The following ZNF774 variants were observed in gnomAD, a reference collection of about 807,000 sequenced individuals.
The protein encoded by ZNF774 is zinc finger protein 774.
A neutral mutation model predicts 11.1 loss-of-function variants in ZNF774; 14 were observed. The ratio of observed to expected loss-of-function variants is 1.26; its 90% confidence interval spans 0.83 to 1.97. ZNF774 has a LOEUF of 1.97. Ranked by LOEUF, ZNF774 falls within the 30% of genes most tolerant of loss-of-function variation. The probability of loss-of-function intolerance (pLI) is 0.00; values close to 1 mark genes in which losing one functional copy is unlikely to be tolerated. For missense variants in ZNF774, 599 were observed against 587.0 expected (o/e 1.02, Z -0.21); for synonymous variants, 195 against 212.6 (o/e 0.92, Z 0.72).
Position 90,362,633 on chromosome 15 carries a change from A to G in ZNF774, c.*1350A>G. 2 of 1,491,372 alleles carry G rather than the reference A, an allele frequency of 1.3e-6. No homozygotes were observed. The highest frequency in any genetic ancestry group is 1.8e-6 in the Non-Finnish European group (2 of 1,106,206). 92.4% of individuals were successfully genotyped at this position (1,491,372 alleles called of 1,614,324 possible). A position where few individuals can be genotyped will look rare whatever the true frequency, so the allele number is the denominator to read the frequency against. On this transcript the variant is annotated 3_prime_UTR_variant, in exon 4 of 4. Coordinates refer to ENST00000354377, the MANE Select transcript of ZNF774 (RefSeq NM_001004309.3). ...GTGTGTTGGAAAGAACACCGACTTC[A>G]TTGAGAAGGTAAAGTATTTGAGTCC...
At chr15:90,359,349 G>T (rs973282072) in intron 3 of ZNF774, among the ~76,000 whole-genome samples, 1 of 152,002 alleles carries the variant, frequency 6.6e-6, no homozygotes, top group African/African-American at 2.4e-5. Flanking sequence ...TGGGATTACA[G>T]GCGTGAGCCA....
chr15:90,353,611 G>A (rs77000686), intron 1 of ZNF774, among the ~76,000 whole-genome samples: 3,372 of 150,594 alleles, frequency 0.022, 113 homozygotes, highest in African/African-American at 0.078. Context: ...TTTTTTTTAA[G>A]GGAGAGACAG....
rs931827175 is a variant in ZNF774 at position 90,360,812 on chromosome 15, C to T, written c.981C>T (p.Gly327=). ...TCAAATGCCCGGAGTGCGGGAAGGG[C>T]TTCAGAGATAGTTCTCATTTTGTAG... The part of the protein sequence containing the change: ...RPFKCPECGK[G]FRDSSHFVAH... Residue 327 remains glycine (G), a synonymous_variant, in exon 4 of 4, where the codon GGC becomes GGT. Coordinates refer to ENST00000354377, the MANE Select transcript of ZNF774 (RefSeq NM_001004309.3). 6.2e-7 allele frequency: 1 copy of T among 1,614,018 alleles called. No homozygotes were observed. Among genetic ancestry groups the T allele is most frequent in the Non-Finnish European group, 8.5e-7 (1 of 1,180,034 alleles).
At position 90,360,828 on chromosome 15, in the gene ZNF774, C is replaced by T. The variant is rs1467314515; in HGVS notation, c.997C>T (p.His333Tyr). The change falls in exon 4 of 4, where the codon CAT (histidine) becomes TAT (tyrosine). Residue 333 changes from histidine to tyrosine, a missense_variant. His to Tyr is a moderately conservative substitution (Grantham distance 83). Transcript: ENST00000354377. ...CGGGAAGGGCTTCAGAGATAGTTCT[C>T]ATTTTGTAGCTCACATGAGCACTCA... is the stretch of plus-strand genomic sequence containing the variant. The part of the protein sequence containing the change: ...ECGKGFRDSS[H>Y]FVAHMSTHSG... The T allele has an allele frequency of 3.1e-6, 5 of 1,613,996 alleles. No individual in the cohort carries two copies. The highest frequency in any genetic ancestry group is 4.2e-6 in the Non-Finnish European group (5 of 1,180,028).
Position 90,360,430 on chromosome 15 carries a change from C to T in ZNF774, c.599C>T (p.Thr200Ile). ...TCAGACCTTGTCACCCATCGCAGAA[C>T]ACACACAGGAGAGAAGCCCTACCAA... ...QSSDLVTHRR[T>I]HTGEKPYQCK... is the part of the protein sequence containing the mutation. The change falls in exon 4 of 4, where the codon ACA becomes ATA. Residue 200 changes from threonine to isoleucine, a missense_variant. Coordinates refer to ENST00000354377, the MANE Select transcript of ZNF774 (RefSeq NM_001004309.3). 1 of 1,613,768 alleles carries T rather than the reference C, an allele frequency of 6.2e-7. No homozygotes were observed. The highest frequency in any genetic ancestry group is 8.5e-7 in the Non-Finnish European group (1 of 1,180,006).
intron 1 of ZNF774, among the ~76,000 whole-genome samples, chr15:90,353,323 T>TA (rs1964199459): frequency 6.6e-6 from 1 of 152,192 alleles, no homozygotes; most frequent in African/African-American, 2.4e-5. Flanking sequence ...TGTTGTTTGT[T>TA]AAAGTTTTAA....
intron 2 of ZNF774, 130 bp downstream of exon 2, chr15:90,354,894 A>G: frequency 1.3e-6 from 1 of 767,132 alleles, no homozygotes; most frequent in Non-Finnish European, 2.2e-6. Context: ...TCCTGGGCTC[A>G]AGCGATTCTC....
In ZNF774 at chr15:90,362,434, A is replaced by G; in HGVS notation, c.*1151A>G. 1 of 990,162 alleles carries G rather than the reference A, an allele frequency of 1.0e-6. No homozygotes were observed. Among genetic ancestry groups the G allele is most frequent in the Non-Finnish European group, 1.5e-6 (1 of 656,624 alleles). 61.3% of individuals were successfully genotyped at this position (990,162 alleles called of 1,614,324 possible). A position where few individuals can be genotyped will look rare whatever the true frequency, so the allele number is the denominator to read the frequency against. On this transcript the variant is annotated 3_prime_UTR_variant, in exon 4 of 4. Transcript: ENST00000354377. Reference sequence around the variant, plus strand: ...AAAATTGCTGAGAATGTCAAATGATATTACAGGGATCCTCCCTGGCATTTA... The same window carrying G: ...AAAATTGCTGAGAATGTCAAATGATGTTACAGGGATCCTCCCTGGCATTTA...
chr15:90,362,533 T>C lies in ZNF774; in HGVS notation c.*1250T>C. The stretch of plus-strand genomic sequence containing the variant: ...TTAGTTTTAGGTTAATATAATTCTC[T>C]GATCCTTTTAGGGCCATCCAGGTTA... On this transcript the variant is annotated 3_prime_UTR_variant, in exon 4 of 4. Coordinates refer to ENST00000354377, the MANE Select transcript of ZNF774 (RefSeq NM_001004309.3). The C allele has an allele frequency of 2.0e-6, 3 of 1,535,848 alleles. No individual in the cohort carries two copies. The highest frequency in any genetic ancestry group is 2.6e-6 in the Non-Finnish European group (3 of 1,146,658).
chr15:90,362,285 C>T lies in ZNF774; in HGVS notation c.*1002C>T, dbSNP rs1964347173. 2.6e-6 allele frequency: 1 copy of T among 387,596 alleles called. No individual in the cohort carries two copies. Among genetic ancestry groups the T allele is most frequent in the African/African-American group, 2.0e-5 (1 of 49,930 alleles). The allele number at this position is 387,596 out of a possible 1,614,324, so 24.0% of individuals were successfully genotyped here. A position where few individuals can be genotyped will look rare whatever the true frequency, so the allele number is the denominator to read the frequency against. On this transcript the variant is annotated 3_prime_UTR_variant, in exon 4 of 4. Transcript: ENST00000354377. The stretch of plus-strand genomic sequence containing the variant: ...TTGGAGGCTGAAAGAATTTCAGAAG[C>T]TCTTTTAAATGGCAGTGTATGGCAG...
At position 90,354,715 on chromosome 15, in the gene ZNF774, C is replaced by T; in HGVS notation, c.55C>T (p.Pro19Ser). The change falls in exon 2 of 4, where the codon CCT becomes TCT. Residue 19 changes from proline to serine, a missense_variant. Transcript: ENST00000354377. The stretch of plus-strand genomic sequence containing the variant: ...GTTACCTGGACACTGCTTAGAGAAT[C>T]CTCTCCAGGAATGCCACCCAGCACA... ...SGLPGHCLEN[P>S]LQECHPAQLE... The T allele has an allele frequency of 6.2e-7, 1 of 1,612,592 alleles. No homozygotes were observed. Among genetic ancestry groups the T allele is most frequent in the Non-Finnish European group, 8.5e-7 (1 of 1,179,390 alleles).
Position 90,360,044 on chromosome 15 carries a change from CTG to C in ZNF774, c.216_217del (p.Cys72Ter), listed in dbSNP as rs761247789. 2.5e-6 allele frequency: 4 copies of C among 1,596,442 alleles called. No individual in the cohort carries two copies. In the Middle Eastern group the frequency reaches 5.0e-4, roughly 201 times the overall value. On this transcript the variant is annotated frameshift_variant and splice_region_variant, in exon 4 of 4. Transcript: ENST00000354377. LOFTEE classifies it low-confidence loss of function (END_TRUNC). ...CTGTTACTTACATTAATTTTTCAGA[CTG>C]TGAGCATCAGGTGGCAAAGCTCAAT... ...RKIPRESHTDCEHQVAKLNQD... is the reference protein window; with the variant it reads ...RKIPRESHTDXEHQVAKLNQD...
At chr15:90,356,222 G>T (rs867965356) in intron 2 of ZNF774, among the ~76,000 whole-genome samples, 34 of 150,212 alleles carry the variant, frequency 2.3e-4, no homozygotes, top group African/African-American at 8.1e-4. Context: ...AGGTTCAAGC[G>T]ATTCCTGGAT....
At chr15:90,358,054 C>T (rs904947101) in intron 2 of ZNF774, among the ~76,000 whole-genome samples, 1 of 152,020 alleles carries the variant, frequency 6.6e-6, no homozygotes, top group African/African-American at 2.4e-5. Context: ...TGCCACCATG[C>T]CCGGCTAATT....
rs559053912 is a variant in ZNF774, at chr15:90,360,867, C to G, written c.1036C>G (p.Pro346Ala). 293 of 1,614,116 alleles carry G rather than the reference C, an allele frequency of 1.8e-4. No homozygotes were observed. In the South Asian group the frequency reaches 2.5e-3, roughly 14 times the overall value. Residue 346 changes from proline (P) to alanine (A), a missense_variant, in exon 4 of 4, where the codon CCT becomes GCT. Pro to Ala is a conservative substitution (Grantham distance 27). Coordinates refer to ENST00000354377, the MANE Select transcript of ZNF774 (RefSeq NM_001004309.3). ...CATGAGCACTCATTCAGGAGAGAGG[C>G]CTTTCAGTTGTCCTGACTGCCACAA... ...AHMSTHSGER[P>A]FSCPDCHKSF...
chr15:90,352,835 G>C, intron 1 of ZNF774, among the ~76,000 whole-genome samples: 1 of 152,108 alleles, frequency 6.6e-6, no homozygotes, highest in East Asian at 1.9e-4. Context: ...TGTGCATGGG[G>C]AAAGGGACGG....
chr15:90,360,742 C>T lies in ZNF774; in HGVS notation c.911C>T (p.Ser304Leu), dbSNP rs1027899625. Residue 304 changes from serine to leucine, a missense_variant, in exon 4 of 4, where the codon TCG (serine) becomes TTG (leucine). By Grantham distance (145) the Ser-to-Leu change is moderately radical. Transcript: ENST00000354377. The stretch of plus-strand genomic sequence containing the variant: ...TGTGGGGAGAGTTTTAGCCAGAGCT[C>T]GGATTTGATTAAGCACCAACGAACC... ...NDCGESFSQS[S>L]DLIKHQRTHT... 3 of 1,614,124 alleles carry T rather than the reference C, an allele frequency of 1.9e-6. No homozygotes were observed. Among genetic ancestry groups the T allele is most frequent in the African/African-American group, 1.3e-5 (1 of 75,036 alleles).
Position 90,360,539 on chromosome 15 carries a change from G to T in ZNF774, c.708G>T (p.Glu236Asp), listed in dbSNP as rs770021129. 1.2e-5 allele frequency: 19 copies of T among 1,613,858 alleles called. No individual in the cohort carries two copies. In the East Asian group the frequency reaches 3.8e-4, roughly 32 times the overall value. ...QRTHTGERPYECPECGKTFGR... is the reference protein window; with the variant it reads ...QRTHTGERPYDCPECGKTFGR... ...CCCACACAGGGGAGAGACCCTATGA[G>T]TGCCCAGAGTGTGGAAAGACTTTTG... The change falls in exon 4 of 4, where the codon GAG becomes GAT. Residue 236 changes from glutamate (E) to aspartate (D), a missense_variant. Coordinates refer to ENST00000354377, the MANE Select transcript of ZNF774 (RefSeq NM_001004309.3).
chr15:90,352,840 G>A (rs1178209302), intron 1 of ZNF774, among the ~76,000 whole-genome samples: 3 of 152,226 alleles, frequency 2.0e-5, no homozygotes, highest in East Asian at 1.9e-4. Context: ...ATGGGGAAAG[G>A]GACGGGCTGG....
Sources: allele counts gnomAD v4.1 joint callset (sites outside exome capture counted in the v4.1 genomes callset), GRCh38; gene constraint gnomAD v4.1.1; transcripts MANE v1.5; gene names NCBI Gene and HGNC (gene_info 2026-07-23, HGNC 2026-07-21).